Variants in ZNF680 observed in about 807,000 individuals in gnomAD.
ZNF680 encodes the protein hypothetical protein FLJ90430.
Under a neutral mutation model 12.1 loss-of-function variants are expected in ZNF680, and 6 were observed. The observed-to-expected ratio is 0.49, with a 90% CI of 0.27 to 0.98. The LOEUF (loss-of-function observed/expected upper bound fraction) is 0.98. Ranked by LOEUF, ZNF680 falls within the 50% of genes least tolerant of loss-of-function variation. The pLI is 0.12. For missense variants in ZNF680, 561 were observed against 616.3 expected, an observed-to-expected ratio of 0.91 and a Z score of 0.95; for synonymous variants, 170 against 199.3, an observed-to-expected ratio of 0.85 and a Z score of 1.24.
At chr7:64,551,133 T>C (rs140974843) in intron 1 of ZNF680, among the ~76,000 whole-genome samples, 3 of 152,154 alleles carry the variant, frequency 2.0e-5, no homozygotes, top group Non-Finnish European at 4.4e-5. Context: ...CACCTGGTAA[T>C]TGGGGAGGCC....
chr7:64,535,922 C>T (rs1309276659), intron 3 of ZNF680, among the ~76,000 whole-genome samples: 6 of 151,802 alleles, frequency 4.0e-5, no homozygotes, highest in African/African-American at 7.3e-5. Context: ...CCAGCCTGGG[C>T]GACAGAATGA....
At chr7:64,538,150 A>T (rs947904128) in intron 3 of ZNF680, among the ~76,000 whole-genome samples, 2 of 152,186 alleles carry the variant, frequency 1.3e-5, no homozygotes, top group African/African-American at 4.8e-5. Flanking sequence ...AATATTTAGA[A>T]ATTTAAAAAA....
chr7:64,509,519 T>C, the ZNF680 span, among the ~76,000 whole-genome samples: 2 of 152,238 alleles, frequency 1.3e-5, no homozygotes, highest in Non-Finnish European at 2.9e-5. Flanking sequence ...GTATAAAAGT[T>C]AATCAGTCTT....
At chr7:64,519,585 G>T (rs768495481), downstream of ZNF680, among the ~76,000 whole-genome samples, 1 of 151,742 alleles carries the variant, frequency 6.6e-6, no homozygotes, top group Non-Finnish European at 1.5e-5. Flanking sequence ...ATGCTGTTTC[G>T]ATGACTAAAG....
rs192608294 is a variant in ZNF680, at chr7:64,557,206, G to A, written c.30+5719C>T. On this transcript the variant is annotated intron_variant, in intron 1 of 3. Coordinates refer to ENST00000309683, the MANE Select transcript of ZNF680 (RefSeq NM_178558.5). ...GTAGAGCTTGCAGTGAGCCAAGATC[G>A]CGCCACTGCACTCCAGACTGGGCGA... Among the ~76,000 whole-genome samples, 244 of 151,528 alleles carry A rather than the reference G, an allele frequency of 1.6e-3. 2 individuals are homozygous for A. Among genetic ancestry groups the A allele is most frequent in the African/African-American group, 5.4e-3 (222 of 41,270 alleles).
At chr7:64,524,836 C>A (rs938855917) in intron 3 of ZNF680, 2 of 151,916 alleles carry the variant, frequency 1.3e-5, no homozygotes, top group Admixed American at 1.3e-4. Context: ...CTTTCTATGA[C>A]CAAAATGAAA....
chr7:64,552,180 A>G (rs1787115407), intron 1 of ZNF680: 1 of 152,208 alleles, frequency 6.6e-6, no homozygotes, highest in South Asian at 2.1e-4. Flanking sequence ...CAGCCTCCAG[A>G]GTAGATGGAA....
rs189443588 is a variant in ZNF680, at chr7:64,537,729, C to T, written c.253+5978G>A. Among the ~76,000 whole-genome samples, 563 of 152,134 alleles carry T rather than the reference C, an allele frequency of 3.7e-3. 4 individuals are homozygous for T. Among genetic ancestry groups the T allele is most frequent in the African/African-American group, 0.013 (528 of 41,492 alleles). ...GATCACAAGGTCAGGAGATCGAGAC[C>T]ATCCTGGCTAACACAGTGAAACCCT... On this transcript the variant is annotated intron_variant, in intron 3 of 3. Transcript: ENST00000309683.
chr7:64,528,850 CAGA>C (rs562479184), intron 3 of ZNF680, among the ~76,000 whole-genome samples: 55 of 152,272 alleles, frequency 3.6e-4, no homozygotes, highest in Admixed American at 3.3e-3. Context: ...CACCACTTCC[CAGA>C]AGGAGGCAAA....
chr7:64,511,014 G>A, the ZNF680 span, among the ~76,000 whole-genome samples: 1 of 151,162 alleles, frequency 6.6e-6, no homozygotes, highest in Non-Finnish European at 1.5e-5. Context: ...GCTCATGCCT[G>A]TAATCCCAGC....
chr7:64,562,811 C>G (rs1289397506), intron 1 of ZNF680, 114 bp downstream of exon 1: 3 of 1,255,328 alleles, frequency 2.4e-6, no homozygotes, highest in Admixed American at 1.8e-5. Flanking sequence ...AAGGACAACT[C>G]GGGCCGCGGA....
chr7:64,543,864 A>C, intron 2 of ZNF680, 62 bp from the exon 3 acceptor site: 2 of 1,380,514 alleles, frequency 1.4e-6, no homozygotes, highest in Non-Finnish European at 1.0e-6. Context: ...CAAACTACTA[A>C]TGTGCTCAGT....
At chr7:64,527,219 T>G (rs1349605649) in intron 3 of ZNF680, among the ~76,000 whole-genome samples, 4 of 150,542 alleles carry the variant, frequency 2.7e-5, no homozygotes, top group Non-Finnish European at 5.9e-5. Context: ...GCCTGGGCAA[T>G]AAGAGCAAGA....
downstream of ZNF680, among the ~76,000 whole-genome samples, chr7:64,515,736 G>A (rs1427678581): frequency 1.3e-5 from 2 of 152,126 alleles, no homozygotes; most frequent in Non-Finnish European, 2.9e-5. Context: ...GGTATAAAAT[G>A]CCTTTATCCT....
chr7:64,502,732 C>T, the ZNF680 span, among the ~76,000 whole-genome samples: 2 of 152,204 alleles, frequency 1.3e-5, no homozygotes, highest in Middle Eastern at 3.4e-3. Context: ...TACCTTAACA[C>T]GTAAGTTATT....
chr7:64,501,785 C>CT, the ZNF680 span: 2 of 723,258 alleles, frequency 2.8e-6, no homozygotes, highest in African/African-American at 1.8e-5. Flanking sequence ...AGGTGCTTCT[C>CT]TAAGATCAAA....
intron 3 of ZNF680, among the ~76,000 whole-genome samples, chr7:64,528,358 T>C (rs942940727): frequency 6.6e-6 from 1 of 152,136 alleles, no homozygotes; most frequent in Non-Finnish European, 1.5e-5. Context: ...ACTCCACAGG[T>C]CACAGGTCAC....
chr7:64,533,029 A>G (rs1311034373), intron 3 of ZNF680, among the ~76,000 whole-genome samples: 1 of 152,224 alleles, frequency 6.6e-6, no homozygotes, highest in Non-Finnish European at 1.5e-5. Flanking sequence ...CCACGTAATA[A>G]AAGTCATCTA....
chr7:64,508,516 C>T, the ZNF680 span, among the ~76,000 whole-genome samples: 267 of 152,250 alleles, frequency 1.8e-3, 2 homozygotes, highest in African/African-American at 5.9e-3. Flanking sequence ...ATTTCCTGTA[C>T]ACTCGCTACG....
Sources: allele counts gnomAD v4.1 joint callset (sites outside exome capture counted in the v4.1 genomes callset), GRCh38; gene constraint gnomAD v4.1.1; transcripts MANE v1.5; gene names NCBI Gene and HGNC (gene_info 2026-07-23, HGNC 2026-07-21).